FREM1: variants seen among roughly 807,000 people sequenced by gnomAD.
FREM1 encodes FRAS1-related extracellular matrix protein 1.
Under a neutral mutation model 210.1 loss-of-function variants are expected in FREM1, and 220 were observed. That is an observed-to-expected ratio of 1.05 (90% CI 0.94 to 1.17). The LOEUF is 1.17. Among genes scored for constraint, FREM1 ranks in the 50% most tolerant of loss-of-function variants. The probability of loss-of-function intolerance (pLI) is 0.00; values close to 1 mark genes in which losing one functional copy is unlikely to be tolerated. For synonymous variants in FREM1, 1,189 were observed against 980.2 expected, an observed-to-expected ratio of 1.21 and a Z score of -3.98; for missense variants, 3,454 against 2,675.5, an observed-to-expected ratio of 1.29 and a Z score of -6.42.
chr9:14,774,924 T>C (rs529719520), intron 25 of FREM1, among the ~76,000 whole-genome samples: 3 of 152,326 alleles, frequency 2.0e-5, no homozygotes, highest in South Asian at 4.1e-4. Flanking sequence ...ACTTGCTTCA[T>C]ATGAGTTTTA....
chr9:14,853,462 G>A (rs1211600818), intron 5 of FREM1, among the ~76,000 whole-genome samples: 1 of 152,182 alleles, frequency 6.6e-6, no homozygotes, highest in African/African-American at 2.4e-5. Context: ...AGAGAGCTAT[G>A]AGTGATAGAT....
In FREM1 at chr9:14,903,850, G is replaced by A. The variant is rs1467639747; in HGVS notation, c.-268+6064C>T. On this transcript the variant is annotated intron_variant, in intron 1 of 36. Transcript: ENST00000380880. ...AACTTAGACATTTCTGGCCGGGTGC[G>A]GTGGCTCAAGCCTGTAATCCCAGCA... 3.3e-5 allele frequency among the ~76,000 whole-genome samples: 5 copies of A among 152,214 alleles called. 1 individual carries two copies. The Middle Eastern group carries it at 0.01, about 311-fold the overall frequency.
chr9:14,750,839 A>C (rs572630427), intron 29 of FREM1, among the ~76,000 whole-genome samples: 7 of 152,174 alleles, frequency 4.6e-5, no homozygotes, highest in Non-Finnish European at 1.0e-4. Flanking sequence ...ATCCTCCTAG[A>C]GAGAATTTAT....
chr9:14,878,042 T>C (rs925121523), intron 1 of FREM1, among the ~76,000 whole-genome samples: 1 of 152,204 alleles, frequency 6.6e-6, no homozygotes, highest in Non-Finnish European at 1.5e-5. Context: ...TCCTATTTGA[T>C]CTCCCTACTT....
At position 14,792,848 on chromosome 9, in the gene FREM1, A is replaced by G; in HGVS notation, c.3876T>C (p.Arg1292=). ...AEIAMNMGET[R]IISSAILSAI... ...CTGAAAGAATAGCACTGGAAATAAT[A>G]CGAGTTTCACCCATATTCATTGCAA... Residue 1292 remains arginine, a synonymous_variant, in exon 22 of 37, where the codon CGT becomes CGC. Transcript: ENST00000380880. 2 of 1,595,512 alleles carry G rather than the reference A, an allele frequency of 1.3e-6. No homozygotes were observed. The highest frequency in any genetic ancestry group is 1.7e-6 in the Non-Finnish European group (2 of 1,169,378).
At chr9:14,867,955 A>G (rs1310754923) in intron 2 of FREM1, among the ~76,000 whole-genome samples, 3 of 152,174 alleles carry the variant, frequency 2.0e-5, no homozygotes, top group African/African-American at 7.2e-5. Flanking sequence ...GTAACTCTTC[A>G]CTCTACAAGA....
At chr9:14,792,703 C>T (rs1851641658) in intron 22 of FREM1, 40 bp downstream of exon 22, 2 of 1,494,792 alleles carry the variant, frequency 1.3e-6, no homozygotes, top group Non-Finnish European at 9.0e-7. Context: ...TTTATACCTG[C>T]TACGTTAGTT....
chr9:14,877,042 A>G (rs1833888595), intron 1 of FREM1, among the ~76,000 whole-genome samples: 1 of 152,128 alleles, frequency 6.6e-6, no homozygotes, highest in Non-Finnish European at 1.5e-5. Context: ...CAGTCCTCTT[A>G]TCTCACTCTA....
intron 28 of FREM1, among the ~76,000 whole-genome samples, chr9:14,758,024 T>C (rs962961891): frequency 1.3e-5 from 2 of 152,150 alleles, no homozygotes; most frequent in Admixed American, 1.3e-4. Context: ...CAGAATCCTA[T>C]GTGGGAAAAG....
intron 17 of FREM1, among the ~76,000 whole-genome samples, chr9:14,807,241 T>G (rs1282397422): frequency 6.6e-6 from 1 of 152,200 alleles, no homozygotes; most frequent in Non-Finnish European, 1.5e-5. Flanking sequence ...ACGTAGTTTA[T>G]GTACTCTTCA....
chr9:14,900,019 C>G (rs924394129), intron 1 of FREM1, among the ~76,000 whole-genome samples: 2 of 152,138 alleles, frequency 1.3e-5, no homozygotes, highest in African/African-American at 4.8e-5. Flanking sequence ...GGGCTGAGTC[C>G]CATGGCCTGG....
intron 1 of FREM1, among the ~76,000 whole-genome samples, chr9:14,871,124 T>C (rs150379865): frequency 0.032 from 4,903 of 152,220 alleles, 281 homozygotes; most frequent in African/African-American, 0.11. Context: ...TACGTGTGCA[T>C]GTGTCTTTAT....
At position 14,769,807 on chromosome 9, in the gene FREM1, G is replaced by A. The variant is rs1847195850; in HGVS notation, c.5121C>T (p.Ile1707=). 1 of 1,609,170 alleles carries A rather than the reference G, an allele frequency of 6.2e-7. No individual in the cohort carries two copies. Among genetic ancestry groups the A allele is most frequent in the Non-Finnish European group, 8.5e-7 (1 of 1,176,182 alleles). Residue 1707 remains isoleucine (I), a synonymous_variant, in exon 27 of 37, where the codon ATC becomes ATT. Transcript: ENST00000380880. ...KDLNSKTILY[I]INPSLEVNSD... is the part of the protein sequence containing the mutation. ...AATTTACTTCCAAAGATGGGTTTAT[G>A]ATGTAAAGAATAGTCTTACTGTTTA...
rs186426900 is a variant in FREM1 at position 14,768,291 on chromosome 9, G to C, written c.5204+1433C>G. ...TAAAATGTTAAAAAAAAAAAGTGAAGTCCACGTATTAACATTTTTGGAGCA... is the reference window on the plus strand; with the variant it reads ...TAAAATGTTAAAAAAAAAAAGTGAACTCCACGTATTAACATTTTTGGAGCA... On this transcript the variant is annotated intron_variant, in intron 27 of 36. Transcript: ENST00000380880. 1.2e-4 allele frequency among the ~76,000 whole-genome samples: 17 copies of C among 145,108 alleles called. No individual in the cohort carries two copies. The East Asian group carries it at 3.5e-3, about 30-fold the overall frequency.
In FREM1 at chr9:14,819,411, C is replaced by T. The variant is rs2130713414; in HGVS notation, c.2369G>A (p.Gly790Glu). Residue 790 changes from glycine (G) to glutamate (E), a missense_variant, in exon 14 of 37, where the codon GGA (glycine) becomes GAA (glutamate). Transcript: ENST00000380880. ...AFTNPLKVTEGGQSIISTEHI... is the reference protein window; with the variant it reads ...AFTNPLKVTEEGQSIISTEHI... ...CTCTGTGCTGATGATGCTTTGACCT[C>T]CCTCAGTCACTTTCAGAGGGTTGGT... is the stretch of plus-strand genomic sequence containing the variant. The T allele has an allele frequency of 6.2e-7, 1 of 1,613,046 alleles. No individual in the cohort carries two copies. Among genetic ancestry groups the T allele is most frequent in the Middle Eastern group, 1.6e-4 (1 of 6,062 alleles).
intron 2 of FREM1, among the ~76,000 whole-genome samples, chr9:14,865,446 C>T (rs1831324200): frequency 6.6e-6 from 1 of 152,172 alleles, no homozygotes; most frequent in South Asian, 2.1e-4. Context: ...AAATATTCAA[C>T]AGGAAAATGA....
At chr9:14,834,262 T>C (rs891245814) in intron 10 of FREM1, among the ~76,000 whole-genome samples, 8 of 152,172 alleles carry the variant, frequency 5.3e-5, no homozygotes, top group Non-Finnish European at 1.2e-4. Context: ...AATAAGCCAA[T>C]TGGCTTTGGG....
intron 15 of FREM1, among the ~76,000 whole-genome samples, chr9:14,815,936 C>T (rs1448090836): frequency 6.6e-6 from 1 of 152,116 alleles, no homozygotes; most frequent in African/African-American, 2.4e-5. Context: ...GTGTGAGCCA[C>T]CTTGCCCGCT....
chr9:14,793,386 T>C (rs1273890485), intron 21 of FREM1, among the ~76,000 whole-genome samples: 8 of 152,196 alleles, frequency 5.3e-5, no homozygotes, highest in African/African-American at 1.9e-4. Flanking sequence ...AAATTACTCT[T>C]CCTCTTCTAA....
Sources: allele counts gnomAD v4.1 joint callset (sites outside exome capture counted in the v4.1 genomes callset), GRCh38; gene constraint gnomAD v4.1.1; transcripts MANE v1.5; gene names NCBI Gene and HGNC (gene_info 2026-07-23, HGNC 2026-07-21).